Variants in APBB2 observed in about 807,000 individuals in gnomAD.
APBB2 encodes amyloid beta precursor protein binding family B member 2, also known as Fe65-like 1.
Under a neutral mutation model 82.5 loss-of-function variants are expected in APBB2, and 38 were observed. The ratio of observed to expected loss-of-function variants is 0.46; its 90% CI spans 0.36 to 0.60. APBB2 has a LOEUF of 0.60. APBB2 is among the 20% of genes least tolerant of loss of function. The probability of loss-of-function intolerance (pLI) is 0.00; values close to 1 mark genes in which losing one functional copy is unlikely to be tolerated. For missense variants in APBB2, 772 were observed against 972.3 expected (o/e 0.79, Z 2.74); for synonymous variants, 341 against 368.2 (o/e 0.93, Z 0.85).
chr4:40,985,931 T>A (rs1333708804), intron 6 of APBB2, among the ~76,000 whole-genome samples: 1 of 152,160 alleles, frequency 6.6e-6, no homozygotes. Flanking sequence ...TTATCTTAAG[T>A]ACAGACTTTT....
chr4:41,047,692 A>G (rs1347487075), intron 4 of APBB2, among the ~76,000 whole-genome samples: 1 of 152,266 alleles, frequency 6.6e-6, no homozygotes, highest in African/African-American at 2.4e-5. Flanking sequence ...TAACGATCCC[A>G]GAATCCTTAG....
At chr4:40,855,884 T>C (rs145530920) in intron 12 of APBB2, among the ~76,000 whole-genome samples, 7 of 152,358 alleles carry the variant, frequency 4.6e-5, no homozygotes, top group Admixed American at 3.9e-4. Flanking sequence ...CTTTTACTTA[T>C]AACTTTTACA....
At chr4:41,102,594 A>T (rs570514061) in intron 2 of APBB2, among the ~76,000 whole-genome samples, 1 of 152,362 alleles carries the variant, frequency 6.6e-6, no homozygotes, top group African/African-American at 2.4e-5. Context: ...ATGGTTACAC[A>T]GAATGAACAC....
intron 4 of APBB2, among the ~76,000 whole-genome samples, chr4:41,037,540 A>G (rs1380835138): frequency 1.3e-5 from 2 of 152,320 alleles, no homozygotes; most frequent in African/African-American, 2.4e-5. Context: ...GAATAACACA[A>G]TCTTTGTTGT....
intron 17 of APBB2, among the ~76,000 whole-genome samples, chr4:40,817,759 G>A (rs1275405688): frequency 6.6e-6 from 1 of 152,054 alleles, no homozygotes; most frequent in Non-Finnish European, 1.5e-5. Context: ...AAGACCCTGG[G>A]GGAAGGATAT....
intron 12 of APBB2, among the ~76,000 whole-genome samples, chr4:40,849,858 G>T (rs760507023): frequency 1.3e-4 from 19 of 149,016 alleles, no homozygotes; most frequent in Non-Finnish European, 2.1e-4. Flanking sequence ...CTCTCGAGTA[G>T]CTGAGATTAC....
At chr4:40,924,798 A>G (rs1205745787) in intron 10 of APBB2, among the ~76,000 whole-genome samples, 2 of 152,268 alleles carry the variant, frequency 1.3e-5, no homozygotes, top group African/African-American at 2.4e-5. Flanking sequence ...TTAAGCTACG[A>G]AGTTTTGGTG....
intron 5 of APBB2, among the ~76,000 whole-genome samples, chr4:41,023,480 A>C (rs1460493078): frequency 1.3e-5 from 2 of 152,216 alleles, no homozygotes; most frequent in African/African-American, 4.8e-5. Context: ...CAACTTAAGC[A>C]AAGTTTCAGG....
At chr4:41,134,672 T>C (rs1454217978) in intron 2 of APBB2, among the ~76,000 whole-genome samples, 2 of 152,156 alleles carry the variant, frequency 1.3e-5, no homozygotes, top group East Asian at 1.9e-4. Context: ...TGGGTAACAC[T>C]GTCTCTGTCA....
intron 10 of APBB2, among the ~76,000 whole-genome samples, chr4:40,931,901 T>C (rs772951110): frequency 4.6e-5 from 7 of 152,232 alleles, no homozygotes; most frequent in Admixed American, 1.3e-4. Flanking sequence ...TTTTTTGTTG[T>C]TGTTTAAAAC....
intron 12 of APBB2, chr4:40,857,015 A>G (rs368598296): frequency 2.0e-6 from 2 of 985,412 alleles, no homozygotes; most frequent in African/African-American, 1.7e-5. Context: ...TTCCTTCGCC[A>G]ACTTCCTCAC....
intron 7 of APBB2, among the ~76,000 whole-genome samples, chr4:40,941,295 T>G (rs112045890): frequency 1.3e-5 from 2 of 152,170 alleles, no homozygotes; most frequent in African/African-American, 4.8e-5. Context: ...ACCAAAGAAA[T>G]GGTGTTAGAA....
intron 12 of APBB2, among the ~76,000 whole-genome samples, chr4:40,874,969 A>C (rs1027398366): frequency 1.3e-5 from 2 of 152,218 alleles, no homozygotes; most frequent in Admixed American, 1.3e-4. Flanking sequence ...AAAAAAATCA[A>C]AAAGCAGGGC....
rs1745263884 is a variant in APBB2 at position 40,815,097 on chromosome 4, C to G, written c.*995G>C. ...CGTTTACCTCTAGCACATGGACTAG[C>G]AAAAATCACACGGTGGTAGAAATCT... On this transcript the variant is annotated 3_prime_UTR_variant, in exon 18 of 18. Transcript: ENST00000508593. 6.6e-6 allele frequency: 1 copy of G among 152,418 alleles called. No homozygotes were observed. The highest frequency in any genetic ancestry group is 2.4e-5 in the African/African-American group (1 of 41,376). The allele number at this position is 152,418 out of a possible 1,614,324, so 9.4% of individuals were successfully genotyped here. A position where few individuals can be genotyped will look rare whatever the true frequency, so the allele number is the denominator to read the frequency against.
chr4:40,815,004 T>G lies in APBB2; in HGVS notation c.*1088A>C, dbSNP rs549425512. The G allele has an allele frequency of 3.3e-5, 5 of 152,454 alleles. No homozygotes were observed. In the East Asian group the frequency reaches 9.6e-4, roughly 29 times the overall value. 9.4% of individuals were successfully genotyped at this position (152,454 alleles called of 1,614,324 possible). The stretch of plus-strand genomic sequence containing the variant: ...ATTTGTTGCCATGGACAATACATGA[T>G]GGACAGACAGCTTTCTGGGCAAAAA... On this transcript the variant is annotated 3_prime_UTR_variant, in exon 18 of 18. Coordinates refer to ENST00000508593, the MANE Select transcript of APBB2 (RefSeq NM_004307.2).
intron 7 of APBB2, 119 bp downstream of exon 7, chr4:40,944,746 C>T (rs1438382191): frequency 3.2e-6 from 3 of 934,226 alleles, no homozygotes; most frequent in Non-Finnish European, 5.0e-6. Flanking sequence ...TCAAATGCAA[C>T]ATGCACAATA....
chr4:40,859,762 A>G (rs555619691), intron 12 of APBB2, among the ~76,000 whole-genome samples: 2 of 152,112 alleles, frequency 1.3e-5, no homozygotes, highest in Non-Finnish European at 2.9e-5. Context: ...TCTATCTCCA[A>G]TGCTGCAACC....
intron 10 of APBB2, among the ~76,000 whole-genome samples, chr4:40,931,168 TG>T (rs1387523181): frequency 1.3e-5 from 2 of 152,222 alleles, no homozygotes; most frequent in African/African-American, 4.8e-5. Context: ...ACAAAGGCAC[TG>T]GAACATCCAG....
At chr4:41,000,059 ATATG>A (rs150611264) in intron 6 of APBB2, among the ~76,000 whole-genome samples, 4,201 of 92,942 alleles carry the variant, frequency 0.045, 115 homozygotes, top group African/African-American at 0.095. Context: ...ATATGTATAT[ATATG>A]TGTGTATGTG....
Sources: gnomAD v4.1 joint callset for allele counts (sites outside exome capture counted in the v4.1 genomes callset) on GRCh38, gnomAD v4.1.1 for gene constraint, MANE v1.5 for transcripts, NCBI Gene and HGNC (gene_info 2026-07-23, HGNC 2026-07-21) for gene names.